Variants in MAGI1 observed in about 807,000 individuals in gnomAD.
MAGI1 encodes membrane-associated guanylate kinase, WW and PDZ domain-containing protein 1.
MAGI1 carries 58 observed loss-of-function variants against 139.9 expected under a neutral mutation model. That is an observed-to-expected ratio of 0.41 (90% CI 0.34 to 0.52). The LOEUF (loss-of-function observed/expected upper bound fraction) is 0.52. Ranked by LOEUF, MAGI1 falls within the 20% of genes least tolerant of loss-of-function variation. MAGI1 has a pLI of 0.12. For synonymous variants in MAGI1, 812 were observed against 737.9 expected (o/e 1.10, Z -1.63); for missense variants, 1,874 against 1,901.6 (o/e 0.99, Z 0.27).
At chr3:65,605,484 G>A (rs549070933) in intron 2 of MAGI1, among the ~76,000 whole-genome samples, 3 of 152,272 alleles carry the variant, frequency 2.0e-5, no homozygotes, top group East Asian at 3.9e-4. Context: ...TGTGCTTCCT[G>A]TAGGCCATGC....
At chr3:65,375,284 G>T (rs985118366) in intron 18 of MAGI1, among the ~76,000 whole-genome samples, 7 of 151,766 alleles carry the variant, frequency 4.6e-5, no homozygotes, top group Non-Finnish European at 1.0e-4. Flanking sequence ...CGCCTCCCGG[G>T]TTCACACCAT....
intron 1 of MAGI1, among the ~76,000 whole-genome samples, chr3:65,837,631 T>A (rs1210051030): frequency 1.3e-5 from 2 of 152,204 alleles, no homozygotes; most frequent in Non-Finnish European, 2.9e-5. Flanking sequence ...TTCTCTAAGG[T>A]ATAAACACTA....
intron 1 of MAGI1, among the ~76,000 whole-genome samples, chr3:66,018,922 C>T (rs930727005): frequency 2.6e-5 from 4 of 152,096 alleles, no homozygotes; most frequent in Non-Finnish European, 4.4e-5. Context: ...TCAAGGCTTC[C>T]GGTAAATTCT....
chr3:65,509,226 C>T (rs868697246), intron 2 of MAGI1, among the ~76,000 whole-genome samples: 3 of 152,122 alleles, frequency 2.0e-5, no homozygotes, highest in Non-Finnish European at 4.4e-5. Context: ...TTAAATGAAG[C>T]AGTAGGGAAA....
At chr3:65,730,393 T>G (rs1187035413) in intron 1 of MAGI1, among the ~76,000 whole-genome samples, 1 of 152,188 alleles carries the variant, frequency 6.6e-6, no homozygotes, top group South Asian at 2.1e-4. Context: ...CCAAGCAACA[T>G]ATCCTCATTT....
At chr3:65,526,396 C>A (rs1270097435) in intron 2 of MAGI1, among the ~76,000 whole-genome samples, 2 of 152,142 alleles carry the variant, frequency 1.3e-5, no homozygotes, top group Non-Finnish European at 2.9e-5. Context: ...CACAAGCATA[C>A]CTCTAGTAAA....
chr3:65,437,479 T>C (rs1318038423), intron 9 of MAGI1, among the ~76,000 whole-genome samples: 1 of 151,770 alleles, frequency 6.6e-6, no homozygotes, highest in Non-Finnish European at 1.5e-5. Context: ...ACTCCAGTTC[T>C]CTCTGGCTGG....
intron 1 of MAGI1, among the ~76,000 whole-genome samples, chr3:65,792,047 CA>C (rs1343913158): frequency 2.0e-5 from 3 of 151,814 alleles, no homozygotes; most frequent in African/African-American, 7.3e-5. Flanking sequence ...TACATACATA[CA>C]TACTTCTGAT....
At chr3:65,418,553 T>A (rs1946403346) in intron 12 of MAGI1, among the ~76,000 whole-genome samples, 1 of 152,116 alleles carries the variant, frequency 6.6e-6, no homozygotes, top group African/African-American at 2.4e-5. Context: ...TTGCATCCCA[T>A]CTTCTTCCCC....
At chr3:65,478,113 A>G (rs1439067302) in intron 4 of MAGI1, among the ~76,000 whole-genome samples, 1 of 152,122 alleles carries the variant, frequency 6.6e-6, no homozygotes, top group Non-Finnish European at 1.5e-5. Flanking sequence ...ATATCCTTCC[A>G]TTATATCTCT....
intron 2 of MAGI1, among the ~76,000 whole-genome samples, chr3:65,494,324 G>GT (rs1952267403): frequency 6.6e-6 from 1 of 152,160 alleles, no homozygotes; most frequent in Non-Finnish European, 1.5e-5. Context: ...GCTAACAAAT[G>GT]TAACGCTTCC....
At chr3:65,671,550 T>A (rs1238195062) in intron 1 of MAGI1, among the ~76,000 whole-genome samples, 2 of 152,166 alleles carry the variant, frequency 1.3e-5, no homozygotes, top group African/African-American at 4.8e-5. Context: ...TAGAAATGCC[T>A]AGGGTATATT....
chr3:65,809,420 T>C (rs1422441556), intron 1 of MAGI1, among the ~76,000 whole-genome samples: 6 of 152,192 alleles, frequency 3.9e-5, no homozygotes, highest in Admixed American at 6.5e-5. Context: ...CGTCATCCAT[T>C]TCAAGTTCCT....
intron 1 of MAGI1, among the ~76,000 whole-genome samples, chr3:65,725,213 G>A (rs2033472014): frequency 6.6e-6 from 1 of 152,144 alleles, no homozygotes; most frequent in Non-Finnish European, 1.5e-5. Context: ...CAATGGTTAA[G>A]TGCATGGACT....
At chr3:65,636,667 C>CT (rs748231684) in intron 1 of MAGI1, among the ~76,000 whole-genome samples, 6 of 150,754 alleles carry the variant, frequency 4.0e-5, no homozygotes, top group Non-Finnish European at 7.4e-5. Flanking sequence ...AGTTCTACAG[C>CT]TTTTTTTTTA....
intron 1 of MAGI1, among the ~76,000 whole-genome samples, chr3:65,793,224 C>A (rs908839664): frequency 1.3e-5 from 2 of 152,188 alleles, no homozygotes; most frequent in Non-Finnish European, 2.9e-5. Flanking sequence ...TGCTGGCGCT[C>A]TCAGGGCTTA....
chr3:65,630,016 A>G lies in MAGI1; in HGVS notation c.314-7928T>C, dbSNP rs140637154. Among the ~76,000 whole-genome samples, 468 of 152,358 alleles carry G rather than the reference A, an allele frequency of 3.1e-3. 1 individual carries two copies. Among genetic ancestry groups the G allele is most frequent in the African/African-American group, 0.011 (446 of 41,588 alleles). On this transcript the variant is annotated intron_variant, in intron 1 of 22. Coordinates refer to ENST00000402939, the MANE Select transcript of MAGI1 (RefSeq NM_001033057.2). ...TTAAAAATACACAAACGTACAACAA[A>G]CAAAGTTAAAATCACCTGTGACTTC...
intron 5 of MAGI1, among the ~76,000 whole-genome samples, chr3:65,461,262 C>T (rs1438276834): frequency 5.3e-5 from 8 of 152,068 alleles, no homozygotes; most frequent in Admixed American, 4.6e-4. Flanking sequence ...GTCGCCCAGG[C>T]TGGTGTGCAG....
intron 1 of MAGI1, among the ~76,000 whole-genome samples, chr3:65,633,462 T>C (rs2084426513): frequency 6.6e-6 from 1 of 152,190 alleles, no homozygotes; most frequent in African/African-American, 2.4e-5. Context: ...ACTATTTACA[T>C]TTAACTCCCC....
Sources: allele counts gnomAD v4.1 joint callset (sites outside exome capture counted in the v4.1 genomes callset), GRCh38; gene constraint gnomAD v4.1.1; transcripts MANE v1.5; gene names NCBI Gene and HGNC (gene_info 2026-07-23, HGNC 2026-07-21).